Variants in SGCD observed in about 807,000 individuals in gnomAD.
The protein encoded by SGCD is sarcoglycan delta, also known as delta-sarcoglycan.
A neutral mutation model predicts 36.6 loss-of-function variants in SGCD; 18 were observed. That is an observed-to-expected ratio of 0.49 (90% confidence interval 0.34 to 0.73). The LOEUF (loss-of-function observed/expected upper bound fraction) is 0.73. Among genes scored for constraint, SGCD ranks in the 30% least tolerant of loss-of-function variants. SGCD has a pLI of 0.01. For synonymous variants in SGCD, 133 were observed against 130.6 expected (o/e 1.02, Z -0.12); for missense variants, 387 against 346.7 (o/e 1.12, Z -0.92).
intron 7 of SGCD, among the ~76,000 whole-genome samples, chr5:156,657,288 C>T (rs1217399922): frequency 6.6e-6 from 1 of 151,234 alleles, no homozygotes; most frequent in Non-Finnish European, 1.5e-5. Flanking sequence ...GGTACATGTG[C>T]ACAATGTGCA....
At chr5:156,499,436 G>A (rs1295286989) in intron 3 of SGCD, among the ~76,000 whole-genome samples, 3 of 152,076 alleles carry the variant, frequency 2.0e-5, no homozygotes, top group East Asian at 1.9e-4. Context: ...TTGAAGTTTA[G>A]TGACTGAGGA....
chr5:155,780,597 T>C, the SGCD span, among the ~76,000 whole-genome samples: 3 of 152,298 alleles, frequency 2.0e-5, no homozygotes, highest in South Asian at 2.1e-4. Context: ...GGCATTTGAA[T>C]TGATGAGAGC....
At chr5:155,825,185 C>A in the SGCD span, among the ~76,000 whole-genome samples, 2 of 151,698 alleles carry the variant, frequency 1.3e-5, no homozygotes, top group Non-Finnish European at 2.9e-5. Context: ...CATACTTTTG[C>A]GAAAAAGAAG....
chr5:156,756,555 T>G (rs185541931), intron 7 of SGCD, among the ~76,000 whole-genome samples: 8 of 152,162 alleles, frequency 5.3e-5, no homozygotes, highest in South Asian at 2.1e-4. Context: ...AAAAGAAAAA[T>G]AAAATTAGAA....
upstream of SGCD, among the ~76,000 whole-genome samples, chr5:156,326,134 A>G (rs144213308): frequency 2.0e-5 from 3 of 152,310 alleles, no homozygotes; most frequent in East Asian, 5.8e-4. Flanking sequence ...TACCTTGACA[A>G]CTTTGCTCTG....
chr5:156,259,201 T>C (rs1016377997), intron 3 of SGCD, among the ~76,000 whole-genome samples: 1 of 151,828 alleles, frequency 6.6e-6, no homozygotes, highest in Non-Finnish European at 1.5e-5. Context: ...AGTTTCCATT[T>C]GCTTCATTCT....
intron 3 of SGCD, among the ~76,000 whole-genome samples, chr5:156,222,719 A>G (rs188217925): frequency 2.8e-3 from 426 of 152,254 alleles, no homozygotes; most frequent in Middle Eastern, 0.01. Context: ...TTGAGATTTT[A>G]AAGTAAATAA....
At chr5:156,002,229 A>G (rs1758678614) in intron 1 of SGCD, among the ~76,000 whole-genome samples, 1 of 152,170 alleles carries the variant, frequency 6.6e-6, no homozygotes, top group Non-Finnish European at 1.5e-5. Context: ...AGATTAGGAC[A>G]CAGACACACA....
chr5:155,738,141 A>G, the SGCD span, among the ~76,000 whole-genome samples: 1 of 152,218 alleles, frequency 6.6e-6, no homozygotes, highest in Non-Finnish European at 1.5e-5. Context: ...GACTGAATGT[A>G]GAGCCCAGTT....
At chr5:156,537,229 C>T (rs1758153601) in intron 4 of SGCD, among the ~76,000 whole-genome samples, 1 of 152,096 alleles carries the variant, frequency 6.6e-6, no homozygotes, top group South Asian at 2.1e-4. Flanking sequence ...ACAGTGCTCT[C>T]TCCCCCTTGG....
At chr5:155,937,821 T>C (rs1164929387) in intron 1 of SGCD, among the ~76,000 whole-genome samples, 1 of 152,232 alleles carries the variant, frequency 6.6e-6, no homozygotes, top group Non-Finnish European at 1.5e-5. Context: ...GATCCAATCC[T>C]GCCTCATTGG....
intron 3 of SGCD, among the ~76,000 whole-genome samples, chr5:156,454,320 G>A (rs1298749680): frequency 1.3e-5 from 2 of 152,120 alleles, no homozygotes; most frequent in Non-Finnish European, 2.9e-5. Flanking sequence ...ATAAGTTAAA[G>A]AAGGAAAGTT....
At chr5:156,565,703 C>A (rs553411694) in intron 4 of SGCD, among the ~76,000 whole-genome samples, 2 of 152,236 alleles carry the variant, frequency 1.3e-5, no homozygotes, top group African/African-American at 4.8e-5. Flanking sequence ...CCTAGCCCCC[C>A]ACCCACCGAC....
intron 1 of SGCD, among the ~76,000 whole-genome samples, chr5:155,883,793 C>CAAAAAAAAA (rs34250962): frequency 4.0e-4 from 33 of 83,460 alleles, no homozygotes; most frequent in African/African-American, 1.4e-3. Flanking sequence ...CTTCAATTTG[C>CAAAAAAAAA]AAAAAAAAAA....
chr5:156,552,955 A>G (rs1758855404), intron 4 of SGCD, among the ~76,000 whole-genome samples: 1 of 152,166 alleles, frequency 6.6e-6, no homozygotes, highest in South Asian at 2.1e-4. Context: ...GTAATTTATG[A>G]AGAAAAAAAG....
At chr5:156,394,736 C>T (rs1771761172) in intron 3 of SGCD, among the ~76,000 whole-genome samples, 1 of 152,178 alleles carries the variant, frequency 6.6e-6, no homozygotes, top group Non-Finnish European at 1.5e-5. Context: ...GTTTTAATTT[C>T]ATTCCTCTAA....
intron 1 of SGCD, among the ~76,000 whole-genome samples, chr5:155,925,623 T>G (rs1041103346): frequency 6.6e-6 from 1 of 152,188 alleles, no homozygotes; most frequent in African/African-American, 2.4e-5. Flanking sequence ...TTTATTTATT[T>G]TTTATTTGTT....
intron 3 of SGCD, among the ~76,000 whole-genome samples, chr5:156,477,000 A>C (rs1581048628): frequency 6.6e-6 from 1 of 152,014 alleles, no homozygotes; most frequent in South Asian, 2.1e-4. Context: ...AACTGCAAGC[A>C]ACAGCAATTT....
the SGCD span, among the ~76,000 whole-genome samples, chr5:155,778,263 G>C: frequency 6.6e-6 from 1 of 152,168 alleles, no homozygotes; most frequent in Admixed American, 6.5e-5. Context: ...GCTGAGTGGA[G>C]TTTTCTGTGT....
Sources: gnomAD v4.1 joint callset for allele counts (sites outside exome capture counted in the v4.1 genomes callset) on GRCh38, gnomAD v4.1.1 for gene constraint, MANE v1.5 for transcripts, NCBI Gene and HGNC (gene_info 2026-07-23, HGNC 2026-07-21) for gene names.